WDR11: variants seen among roughly 807,000 people sequenced by gnomAD.
WDR11 encodes WD repeat-containing protein 11.
WDR11 carries 83 observed loss-of-function variants against 151.2 expected under a neutral mutation model. The ratio of observed to expected loss-of-function variants is 0.55; its 90% confidence interval spans 0.46 to 0.66. WDR11 has a LOEUF of 0.66. Ranked by LOEUF, WDR11 falls within the 30% of genes least tolerant of loss-of-function variation. The pLI is 0.00. For synonymous variants in WDR11, 484 were observed against 533.1 expected (o/e 0.91, Z 1.27); for missense variants, 1,301 against 1,480.9 (o/e 0.88, Z 1.99).
chr10:120,862,558 A>G, intron 4 of WDR11, 177 bp from the exon 5 acceptor site: 2 of 649,338 alleles, frequency 3.1e-6, no homozygotes, highest in Non-Finnish European at 5.3e-6. Context: ...ATGAATTGTA[A>G]TGGACCACCT....
chr10:120,880,753 A>C, intron 12 of WDR11, 73 bp from the exon 13 acceptor site: 1 of 1,292,132 alleles, frequency 7.7e-7, no homozygotes, highest in South Asian at 1.3e-5. Context: ...ATCAAATTAC[A>C]TTGGCGTGGC....
At position 120,906,870 on chromosome 10, in the gene WDR11, G is replaced by GTTGT; in HGVS notation, c.3517+20_3517+23dup. ...TGAGGACACAGATATCCTTTGCAAG[G>GTTGT]TTGTTTGTAGTGACGAGGAAGAAAG... is the stretch of plus-strand genomic sequence containing the variant. On this transcript the variant is annotated intron_variant, in intron 28 of 28. Coordinates refer to ENST00000263461, the MANE Select transcript of WDR11 (RefSeq NM_018117.12). The GTTGT allele has an allele frequency of 6.2e-7, 1 of 1,614,118 alleles. No individual in the cohort carries two copies. The highest frequency in any genetic ancestry group is 8.5e-7 in the Non-Finnish European group (1 of 1,179,998).
At chr10:120,856,773 A>G (rs1845962337) in intron 2 of WDR11, among the ~76,000 whole-genome samples, 1 of 152,078 alleles carries the variant, frequency 6.6e-6, no homozygotes, top group African/African-American at 2.4e-5. Flanking sequence ...ATGGAATTCA[A>G]CATATACATA....
chr10:120,895,431 T>G (rs1847577703), intron 19 of WDR11, among the ~76,000 whole-genome samples: 1 of 152,126 alleles, frequency 6.6e-6, no homozygotes, highest in Non-Finnish European at 1.5e-5. Context: ...CTGTAGGTAG[T>G]TAGATAAGCC....
Position 120,862,939 on chromosome 10 carries a change from A to C in WDR11, c.713+18A>C. ...AAACCTAGGTAAGTTACAAGTGTAA[A>C]ATTAACATTCATCTACTTATCTGGT... On this transcript the variant is annotated intron_variant, in intron 5 of 28. Transcript: ENST00000263461. 1 of 1,517,486 alleles carries C rather than the reference A, an allele frequency of 6.6e-7. No individual in the cohort carries two copies. The highest frequency in any genetic ancestry group is 9.2e-7 in the Non-Finnish European group (1 of 1,092,236). The allele number at this position is 1,517,486 out of a possible 1,614,324, so 94.0% of individuals were successfully genotyped here.
chr10:120,858,969 C>A (rs1055774824), intron 3 of WDR11, among the ~76,000 whole-genome samples, 173 bp downstream of exon 3: 8 of 152,114 alleles, frequency 5.3e-5, no homozygotes, highest in African/African-American at 1.9e-4. Flanking sequence ...CTTACTAATA[C>A]ACTTCTAGGC....
chr10:120,866,991 C>G (rs1192591655), intron 8 of WDR11, 75 bp from the exon 9 acceptor site: 3 of 1,278,090 alleles, frequency 2.3e-6, no homozygotes, highest in East Asian at 4.7e-5. Flanking sequence ...ATAATCTGGA[C>G]TTAATACTTT....
At chr10:120,874,176 G>GGT (rs777721880) in intron 11 of WDR11, among the ~76,000 whole-genome samples, 2 of 83,494 alleles carry the variant, frequency 2.4e-5, no homozygotes, top group African/African-American at 9.8e-5. Flanking sequence ...GGTTTTTGCA[G>GGT]TTTTTTTTTT....
At chr10:120,906,542 A>ATTTAAACTATTTCACAATTTT (rs1184733293) in intron 27 of WDR11, 4 of 1,383,294 alleles carry the variant, frequency 2.9e-6, no homozygotes, top group Non-Finnish European at 3.7e-6. Flanking sequence ...ATTTTTGTGT[A>ATTTAAACTATTTCACAATTTT]TTTAAACTAT....
intron 2 of WDR11, among the ~76,000 whole-genome samples, chr10:120,857,153 T>C (rs1046240876): frequency 6.6e-6 from 1 of 152,192 alleles, no homozygotes; most frequent in Non-Finnish European, 1.5e-5. Flanking sequence ...GGCAGTATGC[T>C]TGGGGACCTA....
chr10:120,866,473 A>C, intron 7 of WDR11, 96 bp from the exon 8 acceptor site: 1 of 1,413,042 alleles, frequency 7.1e-7, no homozygotes, highest in South Asian at 1.2e-5. Context: ...TGAAGGAGTG[A>C]TGCCCAAATT....
chr10:120,851,646 CAGTTGGT>C, intron 1 of WDR11, 140 bp downstream of exon 1: 1 of 996,748 alleles, frequency 1.0e-6, no homozygotes, highest in Non-Finnish European at 1.5e-6. Context: ...AGCTTGCTTT[CAGTTGGT>C]GGATTTTTGT....
rs200209346 is a variant in WDR11, at chr10:120,865,646, A to G, written c.896A>G (p.Gln299Arg). ...VPFLQVIPCF[Q>R]RDGLFCLHEN... The stretch of plus-strand genomic sequence containing the variant: ...TATTTAAAGGTAATACCCTGCTTTC[A>G]GCGTGATGGTTTATTTTGTCTACAT... Residue 299 changes from glutamine to arginine, a missense_variant, in exon 7 of 29, where the codon CAG becomes CGG. By Grantham distance (43) the Gln-to-Arg change is conservative. Coordinates refer to ENST00000263461, the MANE Select transcript of WDR11 (RefSeq NM_018117.12). 4 of 1,609,288 alleles carry G rather than the reference A, an allele frequency of 2.5e-6. No homozygotes were observed. The highest frequency in any genetic ancestry group is 4.5e-4 in the Middle Eastern group (2 of 4,452).
At chr10:120,878,962 A>G (rs796812783) in intron 12 of WDR11, 1 of 152,456 alleles carries the variant, frequency 6.6e-6, no homozygotes, top group Non-Finnish European at 1.5e-5. Flanking sequence ...AAACGTCCCA[A>G]TAAGGTAACT....
intron 6 of WDR11, 109 bp from the exon 7 acceptor site, chr10:120,865,521 C>T: frequency 1.3e-6 from 1 of 770,240 alleles, no homozygotes; most frequent in Non-Finnish European, 2.1e-6. Flanking sequence ...TGGGATTTGT[C>T]TATTTTTTTT....
Position 120,883,809 on chromosome 10 carries a change from A to C in WDR11, c.1769A>C (p.Lys590Thr). 6.2e-7 allele frequency: 1 copy of C among 1,613,522 alleles called. No individual in the cohort carries two copies. Among genetic ancestry groups the C allele is most frequent in the Non-Finnish European group, 8.5e-7 (1 of 1,179,616 alleles). The change falls in exon 14 of 29, where the codon AAA (lysine) becomes ACA (threonine). Residue 590 changes from lysine (K) to threonine (T), a missense_variant. Transcript: ENST00000263461. ...KQYLAVVFRD[K>T]PLELWDVRTC... ...TATTTGGCAGTCGTATTCAGAGATA[A>C]ACCCCTGGAGCTATGGGATGTTAGG...
intron 3 of WDR11, among the ~76,000 whole-genome samples, chr10:120,859,705 T>A (rs1011532036): frequency 1.3e-5 from 2 of 152,200 alleles, no homozygotes; most frequent in African/African-American, 4.8e-5. Flanking sequence ...ATTCTGTTTA[T>A]TTTTTGAAAA....
intron 12 of WDR11, 57 bp from the exon 13 acceptor site, chr10:120,880,769 G>GT: frequency 6.8e-7 from 1 of 1,476,630 alleles, no homozygotes; most frequent in Non-Finnish European, 9.3e-7. Context: ...GTGGCTTCTT[G>GT]TTTTTCATAC....
chr10:120,851,771 C>T (rs1845783649), intron 1 of WDR11: 1 of 559,676 alleles, frequency 1.8e-6, no homozygotes, highest in African/African-American at 1.9e-5. Flanking sequence ...CGCCCTTTTG[C>T]CGTTCCATTC....
Sources: gnomAD v4.1 joint callset for allele counts (sites outside exome capture counted in the v4.1 genomes callset) on GRCh38, gnomAD v4.1.1 for gene constraint, MANE v1.5 for transcripts, NCBI Gene and HGNC (gene_info 2026-07-23, HGNC 2026-07-21) for gene names.